ANK2: variants seen among roughly 807,000 people sequenced by gnomAD.
ANK2 encodes ankyrin 2, also known as ankyrin-2.
In ANK2, 83 loss-of-function variants were observed where a neutral mutation model predicts 360.5. The observed-to-expected ratio is 0.23, with a 90% CI of 0.19 to 0.28. The LOEUF (loss-of-function observed/expected upper bound fraction) is 0.28, where lower values mean the gene tolerates loss of function less well. Among genes scored for constraint, ANK2 ranks in the 10% least tolerant of loss-of-function variants. ANK2 has a pLI of 1.00. For missense variants in ANK2, 4,201 were observed against 4,795.7 expected (o/e 0.88, Z 3.66); for synonymous variants, 1,740 against 1,759.5 (o/e 0.99, Z 0.28).
At chr4:112,724,538 T>A in the ANK2 span, among the ~76,000 whole-genome samples, 1 of 141,052 alleles carries the variant, frequency 7.1e-6, no homozygotes, top group Non-Finnish European at 1.5e-5. Flanking sequence ...AAGATACAAA[T>A]ATATAGACAC....
chr4:113,274,396 T>C (rs976857405), intron 14 of ANK2, 56 bp from the exon 15 acceptor site: 11 of 1,553,810 alleles, frequency 7.1e-6, no homozygotes, highest in Non-Finnish European at 9.8e-6. Context: ...GTGAAACATA[T>C]CACCAGTGAA....
intron 2 of ANK2, among the ~76,000 whole-genome samples, chr4:112,997,850 C>G (rs1272623086): frequency 4.0e-5 from 6 of 149,900 alleles, no homozygotes; most frequent in Non-Finnish European, 8.9e-5. Context: ...TATATATATA[C>G]ACACACACAT....
In ANK2 at chr4:112,957,993, G is replaced by T. The variant is rs371948150; in HGVS notation, c.21+53479G>T. 1.1e-4 allele frequency among the ~76,000 whole-genome samples: 16 copies of T among 151,136 alleles called. No individual in the cohort carries two copies. The East Asian group carries it at 2.8e-3, about 27-fold the overall frequency. Reference sequence around the variant, plus strand: ...CAGAGGCGCTCCCCACGTCTCAGACGATGGGCGGCGGGGCAGAGACGCTCC... The same window carrying T: ...CAGAGGCGCTCCCCACGTCTCAGACTATGGGCGGCGGGGCAGAGACGCTCC... On this transcript the variant is annotated intron_variant, in intron 2 of 30. Coordinates refer to the ANK2 transcript ENST00000503271.
intron 2 of ANK2, among the ~76,000 whole-genome samples, chr4:112,971,507 G>T (rs554507273): frequency 1.3e-5 from 2 of 152,318 alleles, no homozygotes; most frequent in African/African-American, 4.8e-5. Context: ...ACATAAGTAC[G>T]TAGGCTATAA....
Position 113,301,244 on chromosome 4 carries a change from A to G in ANK2, c.2476-1523A>G, listed in dbSNP as rs144861437. ...ACTGAAGGTTTGAATTTGACACTCA[A>G]TAGTCTTTAGGTGATGTTCAAAATA... On this transcript the variant is annotated intron_variant, in intron 22 of 45. Coordinates refer to ENST00000357077, the MANE Select transcript of ANK2 (RefSeq NM_001148.6). Among the ~76,000 whole-genome samples the G allele has an allele frequency of 9.9e-3, 1,507 of 152,252 alleles. 22 individuals are homozygous for G. The highest frequency in any genetic ancestry group is 0.033 in the African/African-American group (1,384 of 41,546).
intron 1 of ANK2, among the ~76,000 whole-genome samples, chr4:113,065,147 A>C (rs1387876857): frequency 1.9e-4 from 2 of 10,752 alleles, no homozygotes; most frequent in Admixed American, 2.4e-3. Flanking sequence ...TCTAACAAAA[A>C]TGTTAGAAAG....
chr4:113,105,029 T>C (rs1381618523), intron 1 of ANK2, among the ~76,000 whole-genome samples: 5 of 151,848 alleles, frequency 3.3e-5, no homozygotes, highest in African/African-American at 9.7e-5. Flanking sequence ...TCCAATCAGA[T>C]TGAGAGGCTA....
chr4:113,042,462 C>A (rs571948212), intron 2 of ANK2, among the ~76,000 whole-genome samples: 1 of 152,270 alleles, frequency 6.6e-6, no homozygotes, highest in Middle Eastern at 3.4e-3. Flanking sequence ...TGTTCTATTT[C>A]TCTAGAGAAC....
chr4:113,119,455 C>T (rs1411088150), intron 1 of ANK2, among the ~76,000 whole-genome samples: 1 of 151,802 alleles, frequency 6.6e-6, no homozygotes, highest in Non-Finnish European at 1.5e-5. Context: ...TTTACCTCAT[C>T]ATCATACCTT....
At position 112,861,869 on chromosome 4, in the gene ANK2, A is replaced by AGAGAGAGAGAGAG. The variant is rs773734914; in HGVS notation, c.-39-42586_-39-42585insGAGAGAGAGAGAG. Among the ~76,000 whole-genome samples, 129 of 69,226 alleles carry AGAGAGAGAGAGAG rather than the reference A, an allele frequency of 1.9e-3. 1 individual carries two copies. Among genetic ancestry groups the AGAGAGAGAGAGAG allele is most frequent in the Middle Eastern group, 7.4e-3 (1 of 136 alleles). 45.4% of individuals were successfully genotyped at this position (69,226 alleles called of 152,430 possible). A position where few individuals can be genotyped will look rare whatever the true frequency, so the allele number is the denominator to read the frequency against. The stretch of plus-strand genomic sequence containing the variant: ...AGAGAGAGAGAGAGAGAGAGAGAGA[A>AGAGAGAGAGAGAG]ACTCTCACAGTTTATGCGAGAGTCA... On this transcript the variant is annotated intron_variant, in intron 1 of 30. Transcript: ENST00000503271.
chr4:112,920,894 A>G (rs1353574210), intron 2 of ANK2, among the ~76,000 whole-genome samples: 2 of 152,178 alleles, frequency 1.3e-5, no homozygotes, highest in Non-Finnish European at 2.9e-5. Context: ...GTTAAATATT[A>G]TATTTAAAGT....
chr4:113,331,075 C>G (rs2092334361), intron 27 of ANK2, among the ~76,000 whole-genome samples: 1 of 152,138 alleles, frequency 6.6e-6, no homozygotes, highest in East Asian at 1.9e-4. Context: ...AGCATTTCTT[C>G]TTTCTTCTGT....
chr4:112,776,617 C>A, the ANK2 span, among the ~76,000 whole-genome samples: 1 of 152,240 alleles, frequency 6.6e-6, no homozygotes, highest in African/African-American at 2.4e-5. Flanking sequence ...TCAAAATAAC[C>A]CTTGTGCCAA....
chr4:113,028,761 A>G (rs577045649), intron 2 of ANK2, among the ~76,000 whole-genome samples: 2 of 152,256 alleles, frequency 1.3e-5, no homozygotes, highest in Admixed American at 1.3e-4. Flanking sequence ...AAATGAGAAG[A>G]ATGATTTTAT....
chr4:112,909,282 A>T (rs1316249728), intron 2 of ANK2, among the ~76,000 whole-genome samples: 1 of 152,246 alleles, frequency 6.6e-6, no homozygotes, highest in East Asian at 1.9e-4. Flanking sequence ...TAATTGTAAC[A>T]TAATTTGCTT....
chr4:113,197,469 G>A (rs764282528), intron 3 of ANK2, among the ~76,000 whole-genome samples: 1 of 152,226 alleles, frequency 6.6e-6, no homozygotes, highest in Non-Finnish European at 1.5e-5. Flanking sequence ...GCTAATCAGA[G>A]CCAAGTCTGC....
upstream of ANK2, among the ~76,000 whole-genome samples, chr4:113,048,945 C>T (rs1194352004): frequency 1.3e-5 from 2 of 151,644 alleles, no homozygotes; most frequent in African/African-American, 4.8e-5. Context: ...CACACACACA[C>T]ACACACACAC....
intron 2 of ANK2, among the ~76,000 whole-genome samples, chr4:113,182,271 A>G (rs2098434034): frequency 6.6e-6 from 1 of 152,198 alleles, no homozygotes; most frequent in East Asian, 1.9e-4. Flanking sequence ...GGGAATACTC[A>G]GCAGGTCAGT....
At chr4:112,907,992 G>C (rs1316445458) in intron 2 of ANK2, among the ~76,000 whole-genome samples, 1 of 152,212 alleles carries the variant, frequency 6.6e-6, no homozygotes, top group Non-Finnish European at 1.5e-5. Context: ...AGCCATGAAA[G>C]CATGTAGTAT....
Sources: gnomAD v4.1 joint callset for allele counts (sites outside exome capture counted in the v4.1 genomes callset) on GRCh38, gnomAD v4.1.1 for gene constraint, MANE v1.5 for transcripts, NCBI Gene and HGNC (gene_info 2026-07-23, HGNC 2026-07-21) for gene names.